Variants in SQOR observed in about 807,000 individuals in gnomAD.
The protein encoded by SQOR is sulfide:quinone oxidoreductase, mitochondrial.
Under a neutral mutation model 48.6 loss-of-function variants are expected in SQOR, and 39 were observed. That is an observed-to-expected ratio of 0.80 (90% CI 0.62 to 1.05). The LOEUF is 1.05. Ranked by LOEUF, SQOR falls within the 50% of genes least tolerant of loss-of-function variation. SQOR has a pLI of 0.00. For missense variants in SQOR, 561 were observed against 559.9 expected (o/e 1.00, Z -0.02); for synonymous variants, 220 against 206.2 (o/e 1.07, Z -0.57).
chr15:45,646,007 A>C (rs1895198507), intron 1 of SQOR: 1 of 152,230 alleles, frequency 6.6e-6, no homozygotes, highest in Non-Finnish European at 1.5e-5. Flanking sequence ...CCAAGGATAC[A>C]GGTATTTGTT....
chr15:45,645,604 C>G (rs997507947), intron 1 of SQOR, among the ~76,000 whole-genome samples: 1 of 152,192 alleles, frequency 6.6e-6, no homozygotes, highest in Non-Finnish European at 1.5e-5. Flanking sequence ...TGTCTTGGAG[C>G]TGGGATATCG....
At chr15:45,668,902 C>A (rs1023417098) in intron 3 of SQOR, among the ~76,000 whole-genome samples, 5 of 152,134 alleles carry the variant, frequency 3.3e-5, no homozygotes, top group Admixed American at 2.6e-4. Context: ...ACATTTCCAT[C>A]ATGCTACTTA....
Position 45,636,869 on chromosome 15 carries a change from C to T in SQOR, c.-18+1761C>T, listed in dbSNP as rs554359139. On this transcript the variant is annotated intron_variant, in intron 1 of 9. Transcript: ENST00000260324. ...AAAATAAAGATGTAAAATACTTTTC[C>T]ATCTAAGTTTTTGGGTCCAGGTTAA... Among the ~76,000 whole-genome samples the T allele has an allele frequency of 5.1e-4, 77 of 152,096 alleles. 1 individual carries two copies. The South Asian group carries it at 0.014, about 28-fold the overall frequency.
At chr15:45,636,569 A>G (rs1010390165) in intron 1 of SQOR, among the ~76,000 whole-genome samples, 1 of 151,916 alleles carries the variant, frequency 6.6e-6, no homozygotes, top group Admixed American at 6.6e-5. Context: ...ACACCCAGCT[A>G]ATTTTTGTAT....
rs116703582 is a variant in SQOR at position 45,672,014 on chromosome 15, C to T, written c.460-1593C>T. Among the ~76,000 whole-genome samples, 1,412 of 152,264 alleles carry T rather than the reference C, an allele frequency of 9.3e-3. 27 individuals carry two copies. Among genetic ancestry groups the T allele is most frequent in the African/African-American group, 0.032 (1,312 of 41,544 alleles). On this transcript the variant is annotated intron_variant, in intron 4 of 9. Coordinates refer to ENST00000260324, the MANE Select transcript of SQOR (RefSeq NM_021199.4). ...GAGGGGTCAAAACCACCCTTTTTGA[C>T]GCAGGTTTTCCTGAAAGGAGCTTGG...
chr15:45,679,695 C>T (rs1453424760), intron 6 of SQOR, among the ~76,000 whole-genome samples: 3 of 152,148 alleles, frequency 2.0e-5, no homozygotes, highest in African/African-American at 7.2e-5. Flanking sequence ...GATAAGCAAA[C>T]TAAAGACCAA....
intron 1 of SQOR, among the ~76,000 whole-genome samples, chr15:45,658,571 A>C (rs1291688610): frequency 6.6e-6 from 1 of 152,246 alleles, no homozygotes; most frequent in African/African-American, 2.4e-5. Flanking sequence ...GGATACAACC[A>C]GATGGTGCCC....
upstream of SQOR, chr15:45,634,662 C>G (rs1248612034): frequency 2.6e-5 from 4 of 152,362 alleles, no homozygotes; most frequent in Non-Finnish European, 5.9e-5. Context: ...TGGGAACAGC[C>G]AGAGCCTCTC....
upstream of SQOR, chr15:45,631,454 G>C (rs1894898503): frequency 6.6e-6 from 1 of 152,220 alleles, no homozygotes; most frequent in African/African-American, 2.4e-5. Context: ...CCTTGGCTGG[G>C]TTACTGTCCC....
chr15:45,645,045 A>C (rs1470195116), intron 1 of SQOR, among the ~76,000 whole-genome samples: 4 of 152,218 alleles, frequency 2.6e-5, no homozygotes, highest in Non-Finnish European at 4.4e-5. Flanking sequence ...AAATACAGAC[A>C]ATGAAAAACA....
Position 45,651,352 on chromosome 15 carries a change from G to A in SQOR, c.-17-7555G>A, listed in dbSNP as rs577204947. 1.2e-4 allele frequency among the ~76,000 whole-genome samples: 18 copies of A among 152,218 alleles called. No homozygotes were observed. In the East Asian group the frequency reaches 3.5e-3, roughly 29 times the overall value. ...CCAGAACTCGTGCTGGCCCGCGAGC[G>A]TCGCTGGCAGCCCCGGTTCCCGCCC... On this transcript the variant is annotated intron_variant, in intron 1 of 9. Transcript: ENST00000260324.
chr15:45,659,870 C>A (rs116867191), intron 2 of SQOR, among the ~76,000 whole-genome samples: 3 of 152,236 alleles, frequency 2.0e-5, no homozygotes, highest in African/African-American at 7.2e-5. Flanking sequence ...CCATGACACT[C>A]TCCCAGTGCC....
upstream of SQOR, chr15:45,631,342 C>T (rs1040376040): frequency 3.9e-5 from 6 of 152,460 alleles, no homozygotes; most frequent in Non-Finnish European, 8.8e-5. Context: ...TGAGACTGCC[C>T]TGTGGCTTGG....
chr15:45,670,692 C>G (rs1889923155), intron 4 of SQOR, among the ~76,000 whole-genome samples: 3 of 152,122 alleles, frequency 2.0e-5, no homozygotes, highest in Non-Finnish European at 1.5e-5. Flanking sequence ...GGGCAAGGGC[C>G]TCAACAGAGT....
intron 7 of SQOR, among the ~76,000 whole-genome samples, chr15:45,685,089 C>T (rs375572322): frequency 2.2e-4 from 33 of 152,120 alleles, no homozygotes; most frequent in South Asian, 2.1e-4. Flanking sequence ...AAAGTAATTG[C>T]GGTTTTTGCC....
intron 1 of SQOR, among the ~76,000 whole-genome samples, chr15:45,636,528 C>G (rs761267736): frequency 6.6e-6 from 1 of 151,780 alleles, no homozygotes; most frequent in Non-Finnish European, 1.5e-5. Context: ...CTCAGCCTCC[C>G]GAGTAGATGG....
chr15:45,690,958 T>C lies in SQOR; in HGVS notation c.1296-15T>C. Reference sequence around the variant, plus strand: ...CTCTTGCTGCAGGTACATTTTTTTGTGTTATTTCTTACAGGGGTTACTGGG... The same window carrying C: ...CTCTTGCTGCAGGTACATTTTTTTGCGTTATTTCTTACAGGGGTTACTGGG... On this transcript the variant is annotated splice_polypyrimidine_tract_variant and intron_variant, in intron 9 of 9. Transcript: ENST00000260324. The C allele has an allele frequency of 6.2e-7, 1 of 1,613,826 alleles. No homozygotes were observed. Among genetic ancestry groups the C allele is most frequent in the Non-Finnish European group, 8.5e-7 (1 of 1,179,714 alleles).
intron 3 of SQOR, among the ~76,000 whole-genome samples, chr15:45,667,933 C>A (rs1047304732): frequency 4.8e-5 from 5 of 104,900 alleles, no homozygotes; most frequent in African/African-American, 1.3e-4. Flanking sequence ...TTATTTCTTT[C>A]TTTCTTTCTT....
chr15:45,670,884 A>G (rs1415380496), intron 4 of SQOR, among the ~76,000 whole-genome samples: 1 of 152,216 alleles, frequency 6.6e-6, no homozygotes, highest in Non-Finnish European at 1.5e-5. Context: ...CAGACAAGCT[A>G]TGAAGTAGAC....
Sources: gnomAD v4.1 joint callset for allele counts (sites outside exome capture counted in the v4.1 genomes callset) on GRCh38, gnomAD v4.1.1 for gene constraint, MANE v1.5 for transcripts, NCBI Gene and HGNC (gene_info 2026-07-23, HGNC 2026-07-21) for gene names.